Variants in SCAPER observed in about 807,000 individuals in gnomAD.
SCAPER encodes S phase cyclin A-associated protein in the endoplasmic reticulum.
In SCAPER, 98 loss-of-function variants were observed where a neutral mutation model predicts 182.2. That is an observed-to-expected ratio of 0.54 (90% CI 0.46 to 0.64). The LOEUF (loss-of-function observed/expected upper bound fraction) is 0.64, where lower values mean the gene tolerates loss of function less well. Among genes scored for constraint, SCAPER ranks in the 30% least tolerant of loss-of-function variants. The pLI is 0.00. For missense variants in SCAPER, 1,432 were observed against 1,690.0 expected (o/e 0.85, Z 2.68); for synonymous variants, 605 against 564.6 (o/e 1.07, Z -1.01).
At chr15:76,474,599 T>C (rs565061511) in intron 24 of SCAPER, among the ~76,000 whole-genome samples, 27 of 152,192 alleles carry the variant, frequency 1.8e-4, no homozygotes, top group Non-Finnish European at 3.5e-4. Flanking sequence ...CTAAACTTTG[T>C]ATGCCTGTCA....
At chr15:76,660,965 A>G (rs1205563992) in intron 21 of SCAPER, among the ~76,000 whole-genome samples, 2 of 152,194 alleles carry the variant, frequency 1.3e-5, no homozygotes, top group African/African-American at 4.8e-5. Context: ...AACGTTTTAA[A>G]TGATATTCCA....
Position 76,591,330 on chromosome 15 carries a change from C to A in SCAPER, c.2712-17046G>T, listed in dbSNP as rs182863412. Among the ~76,000 whole-genome samples, 384 of 152,180 alleles carry A rather than the reference C, an allele frequency of 2.5e-3. 3 individuals carry two copies. Among genetic ancestry groups the A allele is most frequent in the Non-Finnish European group, 3.9e-3 (267 of 68,010 alleles). Reference sequence around the variant, plus strand: ...GAGGACAGTTTGGTTTTCTGCCCTGCAAAATTACATATATACAATGTCATA... The same window carrying A: ...GAGGACAGTTTGGTTTTCTGCCCTGAAAAATTACATATATACAATGTCATA... On this transcript the variant is annotated intron_variant, in intron 22 of 31. Transcript: ENST00000563290.
intron 1 of SCAPER, among the ~76,000 whole-genome samples, chr15:76,901,548 A>G (rs1390921522): frequency 6.6e-6 from 1 of 152,198 alleles, no homozygotes; most frequent in Non-Finnish European, 1.5e-5. Context: ...ATATATAGCT[A>G]ATTTTTGAAA....
chr15:76,412,620 C>T (rs968174859), intron 26 of SCAPER, among the ~76,000 whole-genome samples: 11 of 152,106 alleles, frequency 7.2e-5, no homozygotes, highest in African/African-American at 2.7e-4. Flanking sequence ...AATCTTATAC[C>T]AATACCAGAC....
At chr15:76,483,145 T>A (rs902375818) in intron 24 of SCAPER, among the ~76,000 whole-genome samples, 2 of 151,754 alleles carry the variant, frequency 1.3e-5, no homozygotes, top group Admixed American at 6.6e-5. Context: ...GTGAAAAAAA[T>A]AGACACATAG....
intron 17 of SCAPER, among the ~76,000 whole-genome samples, chr15:76,710,974 T>TG (rs2059531733): frequency 6.6e-6 from 1 of 152,034 alleles, no homozygotes; most frequent in Admixed American, 6.6e-5. Flanking sequence ...GGCAGTTCAG[T>TG]GGGGAAAGGA....
chr15:76,793,626 A>T (rs1483708461), intron 8 of SCAPER, among the ~76,000 whole-genome samples: 3 of 152,230 alleles, frequency 2.0e-5, no homozygotes, highest in Non-Finnish European at 4.4e-5. Context: ...GAAGGCATGG[A>T]AGCTCTTCTT....
At chr15:76,507,211 A>G (rs1315605190) in intron 23 of SCAPER, among the ~76,000 whole-genome samples, 1 of 152,146 alleles carries the variant, frequency 6.6e-6, no homozygotes, top group Non-Finnish European at 1.5e-5. Flanking sequence ...CGTTCTTATA[A>G]GAGGAGAAAG....
intron 24 of SCAPER, among the ~76,000 whole-genome samples, chr15:76,475,163 T>C (rs2050522680): frequency 6.6e-6 from 1 of 152,156 alleles, no homozygotes; most frequent in Admixed American, 6.5e-5. Flanking sequence ...CACAAAGAAA[T>C]ACTAAAATAC....
At chr15:76,808,899 T>C (rs2066389084) in intron 5 of SCAPER, among the ~76,000 whole-genome samples, 1 of 152,008 alleles carries the variant, frequency 6.6e-6, no homozygotes, top group South Asian at 2.1e-4. Context: ...GTAAAGAAAA[T>C]GAGAGAAAAA....
intron 20 of SCAPER, among the ~76,000 whole-genome samples, chr15:76,690,715 A>C (rs748898137): frequency 5.3e-5 from 8 of 152,146 alleles, no homozygotes; most frequent in Non-Finnish European, 1.0e-4. Context: ...GTTTATAAGT[A>C]AGTCTACCAA....
At chr15:76,682,085 C>T (rs2057744652) in intron 20 of SCAPER, among the ~76,000 whole-genome samples, 1 of 152,158 alleles carries the variant, frequency 6.6e-6, no homozygotes, top group Non-Finnish European at 1.5e-5. Flanking sequence ...TGGGGCTCTT[C>T]ATATGTTCTT....
At chr15:76,631,241 C>T (rs917646271) in intron 21 of SCAPER, among the ~76,000 whole-genome samples, 1 of 152,178 alleles carries the variant, frequency 6.6e-6, no homozygotes, top group African/African-American at 2.4e-5. Flanking sequence ...GACTCTTTAT[C>T]CAGCTCGCCG....
At chr15:76,620,271 T>C (rs1163353175) in intron 22 of SCAPER, among the ~76,000 whole-genome samples, 1 of 152,126 alleles carries the variant, frequency 6.6e-6, no homozygotes, top group Non-Finnish European at 1.5e-5. Flanking sequence ...CATAGAATTA[T>C]TGTCAGGAAT....
chr15:76,695,628 TTTAA>T, intron 20 of SCAPER, among the ~76,000 whole-genome samples: 1 of 151,418 alleles, frequency 6.6e-6, no homozygotes, highest in Admixed American at 6.6e-5. Flanking sequence ...AAAAAAACTG[TTTAA>T]TTAAATATTT....
chr15:76,651,104 CA>C (rs1462558868), intron 21 of SCAPER, among the ~76,000 whole-genome samples: 26 of 151,510 alleles, frequency 1.7e-4, no homozygotes, highest in Admixed American at 1.7e-3. Flanking sequence ...CTTAAGAAAT[CA>C]GGGGAAAAGA....
intron 14 of SCAPER, among the ~76,000 whole-genome samples, chr15:76,758,088 T>C (rs1050873236): frequency 6.6e-6 from 1 of 152,190 alleles, no homozygotes; most frequent in Non-Finnish European, 1.5e-5. Flanking sequence ...TATAGGTTTT[T>C]AATTTGATAT....
intron 26 of SCAPER, among the ~76,000 whole-genome samples, chr15:76,423,986 A>G (rs1052918556): frequency 2.6e-5 from 4 of 152,164 alleles, no homozygotes; most frequent in African/African-American, 9.7e-5. Context: ...TCTGAGAGAC[A>G]GTTTGTTATA....
At chr15:76,468,205 C>T (rs1201683289) in intron 25 of SCAPER, among the ~76,000 whole-genome samples, 2 of 152,048 alleles carry the variant, frequency 1.3e-5, no homozygotes, top group African/African-American at 4.8e-5. Flanking sequence ...AACCAGGAAA[C>T]ACTTCCTCCT....
Sources: allele counts gnomAD v4.1 joint callset (sites outside exome capture counted in the v4.1 genomes callset), GRCh38; gene constraint gnomAD v4.1.1; transcripts MANE v1.5; gene names NCBI Gene and HGNC (gene_info 2026-07-23, HGNC 2026-07-21).